DHRS7B: variants seen among roughly 807,000 people sequenced by gnomAD.
DHRS7B encodes the protein peroxisomal reductase activating PPAR-gamma.
In DHRS7B, 24 loss-of-function variants were observed where a neutral mutation model predicts 26.4. The ratio of observed to expected loss-of-function variants is 0.91; its 90% confidence interval spans 0.66 to 1.28. DHRS7B has a LOEUF of 1.28. Ranked by LOEUF, DHRS7B falls within the 50% of genes most tolerant of loss-of-function variation. The pLI is 0.00. For synonymous variants in DHRS7B, 142 were observed against 166.4 expected (o/e 0.85, Z 1.13); for missense variants, 368 against 419.4 (o/e 0.88, Z 1.07).
intron 1 of DHRS7B, 71 bp downstream of exon 1, chr17:21,127,062 C>G (rs756278085): frequency 7.0e-7 from 1 of 1,427,124 alleles, no homozygotes. Context: ...GGCGACGCCC[C>G]GGCTTGGGTG....
At chr17:21,188,907 A>G in intron 6 of DHRS7B, 44 bp downstream of exon 6, 1 of 1,609,888 alleles carries the variant, frequency 6.2e-7, no homozygotes, top group Non-Finnish European at 8.5e-7. Flanking sequence ...TCTGTCGGTC[A>G]GCCACAGTGA....
At chr17:21,141,640 A>AAAAAAAAAAAAAAAAAAAAAAAAAAAAG in intron 1 of DHRS7B, among the ~76,000 whole-genome samples, 2 of 90,078 alleles carry the variant, frequency 2.2e-5, no homozygotes, top group Non-Finnish European at 2.1e-5. Context: ...AAAAAAAAAA[A>AAAAAAAAAAAAAAAAAAAAAAAAAAAAG]CAACCTCATC....
chr17:21,137,286 CTTTTTTGTCTTTTTTTTTTTT>C (rs1973366007), intron 1 of DHRS7B, among the ~76,000 whole-genome samples: 1 of 124,440 alleles, frequency 8.0e-6, no homozygotes, highest in Non-Finnish European at 1.7e-5. Flanking sequence ...GCCCATTTTT[CTTTTTTGTCTTTTTTTTTTTT>C]TTTTTTTGAG....
chr17:21,136,266 C>T (rs748353355), intron 1 of DHRS7B, among the ~76,000 whole-genome samples: 1 of 151,730 alleles, frequency 6.6e-6, no homozygotes, highest in African/African-American at 2.4e-5. Context: ...CACACCATTG[C>T]ACTCCAGCCT....
chr17:21,152,964 G>A (rs1359765579), intron 1 of DHRS7B, among the ~76,000 whole-genome samples: 5 of 152,094 alleles, frequency 3.3e-5, no homozygotes, highest in Admixed American at 3.3e-4. Flanking sequence ...GTTTGCCACA[G>A]TTCTTTTTAC....
chr17:21,152,728 T>C (rs527795423), intron 1 of DHRS7B, among the ~76,000 whole-genome samples: 1 of 152,334 alleles, frequency 6.6e-6, no homozygotes, highest in Non-Finnish European at 1.5e-5. Flanking sequence ...CTAACTTACT[T>C]TGGGGAAGGG....
chr17:21,171,835 G>A, intron 1 of DHRS7B, 183 bp from the exon 2 acceptor site: 1 of 761,598 alleles, frequency 1.3e-6, no homozygotes, highest in Non-Finnish European at 2.3e-6. Context: ...CTGAGAGGAA[G>A]AAAGTTCTAC....
rs1202592198 is a variant in DHRS7B at position 21,138,107 on chromosome 17, C to T, written c.20+11116C>T. The stretch of plus-strand genomic sequence containing the variant: ...ATATATATATATATATATATACACA[C>T]ACACACACACACACACACACACACA... On this transcript the variant is annotated intron_variant, in intron 1 of 6. Transcript: ENST00000395511. Among the ~76,000 whole-genome samples, 431 of 136,786 alleles carry T rather than the reference C, an allele frequency of 3.2e-3. 5 individuals are homozygous for T. Among genetic ancestry groups the T allele is most frequent in the African/African-American group, 0.012 (410 of 35,368 alleles). The allele number at this position is 136,786 out of a possible 152,430, so 89.7% of individuals were successfully genotyped here. A position where few individuals can be genotyped will look rare whatever the true frequency, so the allele number is the denominator to read the frequency against.
At chr17:21,161,754 T>G (rs556061581) in intron 1 of DHRS7B, among the ~76,000 whole-genome samples, 11 of 152,264 alleles carry the variant, frequency 7.2e-5, no homozygotes, top group Admixed American at 7.2e-4. Flanking sequence ...GCTAGGACGC[T>G]TGGTAAAAGA....
intron 6 of DHRS7B, among the ~76,000 whole-genome samples, chr17:21,189,711 C>T (rs1309466716): frequency 6.6e-6 from 1 of 152,240 alleles, no homozygotes; most frequent in Non-Finnish European, 1.5e-5. Flanking sequence ...CATGGGGCTT[C>T]ATACAGCTTT....
At chr17:21,130,200 C>G (rs1385122114) in intron 1 of DHRS7B, among the ~76,000 whole-genome samples, 1 of 152,156 alleles carries the variant, frequency 6.6e-6, no homozygotes, top group African/African-American at 2.4e-5. Flanking sequence ...GAGTTCGAGA[C>G]CAGCCTGGCC....
At chr17:21,144,689 G>A (rs28588912) in intron 1 of DHRS7B, among the ~76,000 whole-genome samples, 6,582 of 152,072 alleles carry the variant, frequency 0.043, 184 homozygotes, top group South Asian at 0.073. Flanking sequence ...ATAGTGGTGC[G>A]TGCCTGTAAT....
intron 2 of DHRS7B, among the ~76,000 whole-genome samples, chr17:21,174,394 C>T (rs976270366): frequency 6.6e-6 from 1 of 152,224 alleles, no homozygotes; most frequent in African/African-American, 2.4e-5. Flanking sequence ...CAGCTTTAGC[C>T]ACAGGGCTGT....
intron 2 of DHRS7B, among the ~76,000 whole-genome samples, chr17:21,174,989 C>T (rs889876008): frequency 6.6e-6 from 1 of 152,192 alleles, no homozygotes; most frequent in Non-Finnish European, 1.5e-5. Context: ...GTGCTCTCTC[C>T]GGGCTTTTGC....
intron 1 of DHRS7B, among the ~76,000 whole-genome samples, chr17:21,159,404 C>T (rs1035341921): frequency 1.3e-3 from 157 of 116,476 alleles, no homozygotes; most frequent in African/African-American, 5.0e-3. Flanking sequence ...TGCACCACCA[C>T]GCCCGGCTAA....
chr17:21,184,180 T>G lies in DHRS7B; in HGVS notation c.527-191T>G, dbSNP rs558517925. On this transcript the variant is annotated intron_variant, in intron 4 of 6. Transcript: ENST00000395511. ...TCCCTGTTTCCTTGCCTCTCTCCTCTCTCCTGCTGGCCTGCTGGCACTCTG... is the reference window on the plus strand; with the variant it reads ...TCCCTGTTTCCTTGCCTCTCTCCTCGCTCCTGCTGGCCTGCTGGCACTCTG... 5.3e-5 allele frequency among the ~76,000 whole-genome samples: 8 copies of G among 152,274 alleles called. No individual in the cohort carries two copies. In the South Asian group the frequency reaches 8.3e-4, roughly 16 times the overall value.
intron 1 of DHRS7B, among the ~76,000 whole-genome samples, chr17:21,138,182 T>C (rs1973406355): frequency 6.9e-6 from 1 of 144,724 alleles, no homozygotes; most frequent in African/African-American, 2.5e-5. Context: ...TTGGACTTTC[T>C]CATTTGTCTT....
chr17:21,144,323 GA>G (rs1442660894), intron 1 of DHRS7B, among the ~76,000 whole-genome samples: 1 of 152,126 alleles, frequency 6.6e-6, no homozygotes, highest in African/African-American at 2.4e-5. Flanking sequence ...GCCCAAAGGG[GA>G]TAAGTTCCCA....
chr17:21,160,346 G>A (rs1229420047), intron 1 of DHRS7B, among the ~76,000 whole-genome samples: 1 of 152,014 alleles, frequency 6.6e-6, no homozygotes, highest in Non-Finnish European at 1.5e-5. Flanking sequence ...GACAAAGTTA[G>A]ACTCTGTCTC....
Sources: allele counts gnomAD v4.1 joint callset (sites outside exome capture counted in the v4.1 genomes callset), GRCh38; gene constraint gnomAD v4.1.1; transcripts MANE v1.5; gene names NCBI Gene and HGNC (gene_info 2026-07-23, HGNC 2026-07-21).